The following THADA variants were observed in gnomAD, a reference collection of about 807,000 sequenced individuals.
The protein encoded by THADA is THADA armadillo repeat containing.
THADA carries 213 observed loss-of-function variants against 219.8 expected under a neutral mutation model. That is an observed-to-expected ratio of 0.97 (90% confidence interval 0.87 to 1.09). The LOEUF is 1.09. Ranked by LOEUF, THADA falls within the 50% of genes least tolerant of loss-of-function variation. THADA has a pLI of 0.00. For synonymous variants in THADA, 1,018 were observed against 828.9 expected, an observed-to-expected ratio of 1.23 and a Z score of -3.92; for missense variants, 2,956 against 2,311.3, an observed-to-expected ratio of 1.28 and a Z score of -5.72.
chr2:43,508,562 C>T (rs533172286), intron 23 of THADA, 86 bp downstream of exon 23: 1,027 of 1,338,656 alleles, frequency 7.7e-4, no homozygotes, highest in Non-Finnish European at 9.7e-4. Context: ...ATGTGTAATA[C>T]GCTCACTCAC....
chr2:43,308,878 A>T (rs1677182450), intron 31 of THADA, among the ~76,000 whole-genome samples: 1 of 152,044 alleles, frequency 6.6e-6, no homozygotes, highest in Non-Finnish European at 1.5e-5. Flanking sequence ...ACTTTAGAAG[A>T]AGTTTTGAGG....
intron 36 of THADA, among the ~76,000 whole-genome samples, chr2:43,253,819 C>T (rs923669303): frequency 2.6e-5 from 4 of 152,206 alleles, no homozygotes; most frequent in East Asian, 1.9e-4. Context: ...GCTCTGATCA[C>T]GCTGCTTATT....
At chr2:43,375,334 T>G (rs923049133) in intron 29 of THADA, among the ~76,000 whole-genome samples, 1 of 152,186 alleles carries the variant, frequency 6.6e-6, no homozygotes, top group African/African-American at 2.4e-5. Context: ...CACCACATAA[T>G]CCAGTTTGTC....
intron 22 of THADA, among the ~76,000 whole-genome samples, chr2:43,522,188 T>C (rs1337084477): frequency 6.6e-6 from 1 of 152,218 alleles, no homozygotes; most frequent in Non-Finnish European, 1.5e-5. Flanking sequence ...CATGTATATT[T>C]TAAATAGGAA....
At chr2:43,377,337 A>G (rs1296605709) in intron 29 of THADA, among the ~76,000 whole-genome samples, 1 of 152,186 alleles carries the variant, frequency 6.6e-6, no homozygotes, top group African/African-American at 2.4e-5. Context: ...AATTCAGTCA[A>G]TGCTTGACTG....
At chr2:43,367,334 GTCTT>G (rs1471215775) in intron 29 of THADA, among the ~76,000 whole-genome samples, 1 of 151,032 alleles carries the variant, frequency 6.6e-6, no homozygotes, top group Non-Finnish European at 1.5e-5. Flanking sequence ...TATGTTATGT[GTCTT>G]TTTTTAAAAA....
chr2:43,243,674 G>A (rs1046694665), intron 36 of THADA, among the ~76,000 whole-genome samples: 9 of 152,156 alleles, frequency 5.9e-5, no homozygotes, highest in Non-Finnish European at 8.8e-5. Flanking sequence ...ACAACCTGCC[G>A]CAGAGCCCTT....
chr2:43,293,605 C>A (rs1251018475), intron 31 of THADA, among the ~76,000 whole-genome samples: 2 of 152,170 alleles, frequency 1.3e-5, no homozygotes, highest in Non-Finnish European at 2.9e-5. Flanking sequence ...CCCAGAAGCT[C>A]TTGGTTGAAC....
chr2:43,237,240 A>G (rs934342489), intron 36 of THADA, among the ~76,000 whole-genome samples: 1 of 152,100 alleles, frequency 6.6e-6, no homozygotes, highest in Non-Finnish European at 1.5e-5. Context: ...GGGTACCAAA[A>G]TAATGGGGAA....
intron 25 of THADA, among the ~76,000 whole-genome samples, chr2:43,498,037 G>A (rs981288400): frequency 6.6e-6 from 1 of 152,154 alleles, no homozygotes; most frequent in Non-Finnish European, 1.5e-5. Flanking sequence ...AATGTGGGAT[G>A]TGTGTATACT....
intron 21 of THADA, among the ~76,000 whole-genome samples, chr2:43,531,267 G>C (rs893442418): frequency 1.3e-5 from 2 of 152,180 alleles, no homozygotes; most frequent in Non-Finnish European, 2.9e-5. Flanking sequence ...GTACTTGGGT[G>C]GACCAAAATG....
chr2:43,413,288 T>G (rs1252000776), intron 28 of THADA, among the ~76,000 whole-genome samples: 1 of 152,038 alleles, frequency 6.6e-6, no homozygotes, highest in African/African-American at 2.4e-5. Context: ...CTTGGCTTGA[T>G]GAGAAAAACA....
At chr2:43,311,990 G>A (rs772896818) in intron 31 of THADA, among the ~76,000 whole-genome samples, 1 of 151,948 alleles carries the variant, frequency 6.6e-6, no homozygotes, top group Non-Finnish European at 1.5e-5. Flanking sequence ...CTTAAGCCCA[G>A]AAGTTTGAGA....
chr2:43,522,920 C>A (rs1467848480), intron 22 of THADA, among the ~76,000 whole-genome samples: 1 of 151,022 alleles, frequency 6.6e-6, no homozygotes, highest in Non-Finnish European at 1.5e-5. Context: ...GACTCCATCT[C>A]AACAAAACAA....
intron 36 of THADA, among the ~76,000 whole-genome samples, chr2:43,270,143 G>A (rs1349500669): frequency 1.3e-5 from 2 of 152,208 alleles, no homozygotes; most frequent in East Asian, 3.8e-4. Context: ...TTGGGGGACA[G>A]TAGAGAGGTA....
chr2:43,387,939 G>A (rs900192860), intron 29 of THADA, among the ~76,000 whole-genome samples: 1 of 152,240 alleles, frequency 6.6e-6, no homozygotes, highest in African/African-American at 2.4e-5. Context: ...TTAAGCCTGT[G>A]TGTCAATTTT....
intron 31 of THADA, among the ~76,000 whole-genome samples, chr2:43,299,000 A>C (rs889822049): frequency 1.7e-4 from 26 of 152,300 alleles, no homozygotes; most frequent in Admixed American, 1.6e-3. Context: ...TGGTGCCATA[A>C]GTGGAAAATT....
chr2:43,457,954 T>C (rs1038518074), intron 26 of THADA, among the ~76,000 whole-genome samples: 11 of 151,878 alleles, frequency 7.2e-5, no homozygotes, highest in Non-Finnish European at 1.3e-4. Context: ...ATAGGGGATA[T>C]CCTTACATAC....
Position 43,335,581 on chromosome 2 carries a change from G to C in THADA, c.4343+8541C>G, listed in dbSNP as rs1282923530. ...GTTTTAATATACAGTTGTAGTATTTGATATGGCCTGGCATACAGCAGGGCT... is the reference window on the plus strand; with the variant it reads ...GTTTTAATATACAGTTGTAGTATTTCATATGGCCTGGCATACAGCAGGGCT... On this transcript the variant is annotated intron_variant, in intron 30 of 37. Coordinates refer to ENST00000405975, the MANE Select transcript of THADA (RefSeq NM_022065.5). 5.9e-5 allele frequency among the ~76,000 whole-genome samples: 9 copies of C among 152,256 alleles called. No homozygotes were observed. The East Asian group carries it at 1.7e-3, about 29-fold the overall frequency.
Sources: gnomAD v4.1 joint callset for allele counts (sites outside exome capture counted in the v4.1 genomes callset) on GRCh38, gnomAD v4.1.1 for gene constraint, MANE v1.5 for transcripts, NCBI Gene and HGNC (gene_info 2026-07-23, HGNC 2026-07-21) for gene names.